HHLA1: variants seen among roughly 807,000 people sequenced by gnomAD.
HHLA1 encodes HHLA1 neighbor of OC90.
A neutral mutation model predicts 69.9 loss-of-function variants in HHLA1; 72 were observed. The ratio of observed to expected loss-of-function variants is 1.03; its 90% CI spans 0.85 to 1.25. HHLA1 has a LOEUF of 1.25. HHLA1 is among the 50% of genes most tolerant of loss of function. The probability of loss-of-function intolerance (pLI) is 0.00; values close to 1 mark genes in which losing one functional copy is unlikely to be tolerated. For missense variants in HHLA1, 685 were observed against 642.2 expected (o/e 1.07, Z -0.72); for synonymous variants, 252 against 233.2 (o/e 1.08, Z -0.73).
intron 2 of HHLA1, 87 bp from the exon 3 acceptor site, chr8:132,104,254 G>T: frequency 1.1e-6 from 1 of 900,468 alleles, no homozygotes; most frequent in Non-Finnish European, 1.7e-6. Flanking sequence ...TTTTACAGAT[G>T]AGAGAATTAT....
intron 5 of HHLA1, among the ~76,000 whole-genome samples, chr8:132,096,391 C>G (rs1171453392): frequency 6.6e-6 from 1 of 152,184 alleles, no homozygotes; most frequent in Non-Finnish European, 1.5e-5. Context: ...TTAACTCAAT[C>G]AATCTGTTAT....
At chr8:132,102,763 GC>G (rs1356899498) in intron 3 of HHLA1, among the ~76,000 whole-genome samples, 1 of 150,500 alleles carries the variant, frequency 6.6e-6, no homozygotes, top group Non-Finnish European at 1.5e-5. Context: ...AGAATGGTGG[GC>G]CCTGTGTCAT....
At chr8:132,085,892 G>A (rs1387425465) in intron 10 of HHLA1, among the ~76,000 whole-genome samples, 1 of 151,388 alleles carries the variant, frequency 6.6e-6, no homozygotes, top group African/African-American at 2.4e-5. Flanking sequence ...TTAAGGTGGG[G>A]CAGGGCATAT....
intron 7 of HHLA1, among the ~76,000 whole-genome samples, chr8:132,093,081 C>G (rs1469444980): frequency 2.0e-5 from 3 of 152,046 alleles, no homozygotes; most frequent in Non-Finnish European, 4.4e-5. Context: ...AGAATGGGTT[C>G]CTATATGTAG....
chr8:132,111,025 A>G (rs1824286836), intron 1 of HHLA1, 77 bp downstream of exon 1: 1 of 152,224 alleles, frequency 6.6e-6, no homozygotes, highest in Non-Finnish European at 1.5e-5. Flanking sequence ...TAGCAGATGA[A>G]TTCTTTAGCT....
At chr8:132,093,592 C>T (rs1308503433) in intron 7 of HHLA1, among the ~76,000 whole-genome samples, 1 of 152,118 alleles carries the variant, frequency 6.6e-6, no homozygotes, top group African/African-American at 2.4e-5. Flanking sequence ...CTATGACCTA[C>T]CAGAGGAACA....
In HHLA1 at chr8:132,083,747, G is replaced by A. The variant is rs547690882; in HGVS notation, c.677-3781C>T. Among the ~76,000 whole-genome samples, 48 of 152,310 alleles carry A rather than the reference G, an allele frequency of 3.2e-4. 1 individual carries two copies. Among genetic ancestry groups the A allele is most frequent in the South Asian group, 2.7e-3 (13 of 4,824 alleles). ...TTCTGGAGGAACGCCTGGCCGCTGC[G>A]GTTCGGGCGTTTGGAAGTTCTTGTG... is the stretch of plus-strand genomic sequence containing the variant. On this transcript the variant is annotated intron_variant, in intron 10 of 16. Coordinates refer to ENST00000414222, the MANE Select transcript of HHLA1 (RefSeq NM_001145095.3).
In HHLA1 at chr8:132,076,556, G is replaced by A; in HGVS notation, c.1172-13C>T. 1 of 1,503,962 alleles carries A rather than the reference G, an allele frequency of 6.6e-7. No individual in the cohort carries two copies. Among genetic ancestry groups the A allele is most frequent in the Non-Finnish European group, 8.9e-7 (1 of 1,124,874 alleles). The allele number at this position is 1,503,962 out of a possible 1,614,324, so 93.2% of individuals were successfully genotyped here. On this transcript the variant is annotated splice_polypyrimidine_tract_variant and intron_variant, in intron 12 of 16. Transcript: ENST00000414222. ...TGGGTGAATGCTCCTGGGAGGAGAT[G>A]AGAGAGAGGTGAGCCTGCATCTCTT...
intron 7 of HHLA1, among the ~76,000 whole-genome samples, chr8:132,093,824 G>T (rs1823979826): frequency 6.6e-6 from 1 of 152,178 alleles, no homozygotes; most frequent in South Asian, 2.1e-4. Context: ...GGTGAGAAAG[G>T]CATGATTATG....
intron 7 of HHLA1, among the ~76,000 whole-genome samples, chr8:132,094,835 G>A (rs984639730): frequency 2.0e-5 from 3 of 152,194 alleles, no homozygotes; most frequent in African/African-American, 7.2e-5. Flanking sequence ...AAGAGTGCAT[G>A]GGTCATAGTG....
intron 10 of HHLA1, among the ~76,000 whole-genome samples, chr8:132,087,022 C>T (rs751424377): frequency 6.6e-6 from 1 of 152,160 alleles, no homozygotes; most frequent in Non-Finnish European, 1.5e-5. Context: ...TGTGTTGCAA[C>T]CTGGAGTAAC....
intron 10 of HHLA1, chr8:132,080,958 A>G (rs1406302869): frequency 6.6e-6 from 1 of 152,154 alleles, no homozygotes; most frequent in East Asian, 1.9e-4. Context: ...TATGAATTGA[A>G]AAACTAAATG....
chr8:132,085,138 T>C (rs1411815844), intron 10 of HHLA1, among the ~76,000 whole-genome samples: 1 of 152,182 alleles, frequency 6.6e-6, no homozygotes, highest in Non-Finnish European at 1.5e-5. Flanking sequence ...CCCTGCGTGG[T>C]CTGACACCCT....
intron 11 of HHLA1, among the ~76,000 whole-genome samples, chr8:132,079,503 T>C (rs1404377087): frequency 2.6e-5 from 4 of 152,222 alleles, no homozygotes; most frequent in East Asian, 1.9e-4. Flanking sequence ...TCAAAATACA[T>C]ATTAGAAACA....
At chr8:132,084,248 G>A (rs6986898) in intron 10 of HHLA1, among the ~76,000 whole-genome samples, 123,785 of 151,380 alleles carry the variant, frequency 0.82, 52,416 homozygotes, top group Non-Finnish European at 0.93. Context: ...GTGGAGGAGC[G>A]GAGGCTGAGG....
At chr8:132,075,903 G>A (rs1012577105) in intron 14 of HHLA1, among the ~76,000 whole-genome samples, 152 bp downstream of exon 14, 1 of 152,192 alleles carries the variant, frequency 6.6e-6, no homozygotes, top group Non-Finnish European at 1.5e-5. Flanking sequence ...GTTGAGTACT[G>A]GAGGCCACCT....
rs768051538 is a variant in HHLA1, at chr8:132,065,945, C to A, written c.1493G>T (p.Trp498Leu). 7.7e-7 allele frequency: 1 copy of A among 1,300,076 alleles called. No individual in the cohort carries two copies. The highest frequency in any genetic ancestry group is 1.2e-5 in the South Asian group (1 of 80,926). 80.5% of individuals were successfully genotyped at this position (1,300,076 alleles called of 1,614,324 possible). Residue 498 changes from tryptophan to leucine, a missense_variant, in exon 16 of 17, where the codon TGG becomes TTG. Coordinates refer to ENST00000414222, the MANE Select transcript of HHLA1 (RefSeq NM_001145095.3). ...DMRYCLEYYSWFLKNATYICQ... is the reference protein window; with the variant it reads ...DMRYCLEYYSLFLKNATYICQ... Reference sequence around the variant, plus strand: ...GATATATGTTGCATTCTTCAGAAACCAGGAATAGTATTCAAGACAGTATCT... The same window carrying A: ...GATATATGTTGCATTCTTCAGAAACAAGGAATAGTATTCAAGACAGTATCT...
intron 8 of HHLA1, among the ~76,000 whole-genome samples, chr8:132,088,576 A>T (rs1251818787): frequency 6.6e-6 from 1 of 152,216 alleles, no homozygotes; most frequent in Non-Finnish European, 1.5e-5. Context: ...ATAACAGGAA[A>T]ATCCAAGGAG....
chr8:132,101,423 T>A, intron 3 of HHLA1: 1 of 1,055,974 alleles, frequency 9.5e-7, no homozygotes, highest in Non-Finnish European at 1.3e-6. Flanking sequence ...AAATTTGATG[T>A]ACCATATTGG....
Sources: gnomAD v4.1 joint callset for allele counts (sites outside exome capture counted in the v4.1 genomes callset) on GRCh38, gnomAD v4.1.1 for gene constraint, MANE v1.5 for transcripts, NCBI Gene and HGNC (gene_info 2026-07-23, HGNC 2026-07-21) for gene names.